Variants in DNAH2 observed in about 807,000 individuals in gnomAD.
DNAH2 encodes axonemal beta dynein heavy chain 2.
DNAH2 carries 323 observed loss-of-function variants against 523.5 expected under a neutral mutation model. That is an observed-to-expected ratio of 0.62 (90% CI 0.56 to 0.68). The LOEUF (loss-of-function observed/expected upper bound fraction) is 0.68, where lower values mean the gene tolerates loss of function less well. Ranked by LOEUF, DNAH2 falls within the 30% of genes least tolerant of loss-of-function variation. The pLI is 0.00. For synonymous variants in DNAH2, 2,093 were observed against 2,177.4 expected, an observed-to-expected ratio of 0.96 and a Z score of 1.08; for missense variants, 4,907 against 5,701.5, an observed-to-expected ratio of 0.86 and a Z score of 4.49.
At chr17:7,766,607 A>T in intron 22 of DNAH2, 126 bp downstream of exon 22, 1 of 748,020 alleles carries the variant, frequency 1.3e-6, no homozygotes, top group Non-Finnish European at 1.9e-6. Context: ...TGTTTGTTTC[A>T]GTTGAGGTAA....
In DNAH2 at chr17:7,821,216, T is replaced by C; in HGVS notation, c.11016-27T>C. 1 of 1,606,674 alleles carries C rather than the reference T, an allele frequency of 6.2e-7. No homozygotes were observed. The highest frequency in any genetic ancestry group is 8.5e-7 in the Non-Finnish European group (1 of 1,175,050). Reference sequence around the variant, plus strand: ...ATCAGCCCCCATTCCATGCTGCCCCTCCCTCTTCCCTGTCCCTTTCTCCCA... The same window carrying C: ...ATCAGCCCCCATTCCATGCTGCCCCCCCCTCTTCCCTGTCCCTTTCTCCCA... On this transcript the variant is annotated intron_variant, in intron 72 of 85. Transcript: ENST00000572933. The surrounding 1 kb of genome is among the most constrained non-coding windows in gnomAD (Gnocchi z 5.0).
rs1320280479 is a variant in DNAH2 at position 7,723,643 on chromosome 17, G to A, written c.182G>A (p.Gly61Glu). The stretch of plus-strand genomic sequence containing the variant: ...TTCTTCCTAGAGCCACGGTTGGAGG[G>A]ACCTCAAGCACAGAGTGAAGAATCA... Reference protein sequence around the residue: ...PKEEPEPRLEGPQAQSEESVE... With the variant: ...PKEEPEPRLEEPQAQSEESVE... The change falls in exon 3 of 86, where the codon GGA becomes GAA. Residue 61 changes from glycine to glutamate, a missense_variant. This residue lies in a region of DNAH2 where 2,806 missense variants were observed against 3,190.8 expected (regional missense o/e 0.88). Transcript: ENST00000572933. The A allele has an allele frequency of 5.0e-6, 8 of 1,613,986 alleles. No individual in the cohort carries two copies. In the East Asian group the frequency reaches 1.6e-4, roughly 31 times the overall value.
At position 7,788,210 on chromosome 17, in the gene DNAH2, A is replaced by G. The variant is rs778696195; in HGVS notation, c.6866A>G (p.Lys2289Arg). The change falls in exon 44 of 86, where the codon AAG (lysine) becomes AGG (arginine). Residue 2289 changes from lysine to arginine, a missense_variant. Lys to Arg is a conservative substitution (Grantham distance 26). This residue lies in a region of DNAH2 where 2,806 missense variants were observed against 3,190.8 expected (regional missense o/e 0.88). Coordinates refer to ENST00000572933, the MANE Select transcript of DNAH2 (RefSeq NM_020877.5). ...TACAGCGGTATCACCTCCCTCTGCAAGCTGTACTCTGCCCTGGCCACGCCA... is the reference window on the plus strand; with the variant it reads ...TACAGCGGTATCACCTCCCTCTGCAGGCTGTACTCTGCCCTGGCCACGCCA... The part of the protein sequence containing the change: ...PEYSGITSLC[K>R]LYSALATPEN... The G allele has an allele frequency of 1.3e-5, 21 of 1,606,132 alleles. No homozygotes were observed. The highest frequency in any genetic ancestry group is 1.8e-5 in the Non-Finnish European group (21 of 1,176,368).
At position 7,727,297 on chromosome 17, in the gene DNAH2, G is replaced by A. The variant is rs371827721; in HGVS notation, c.399+5G>A. 2.6e-5 allele frequency: 41 copies of A among 1,602,434 alleles called. No individual in the cohort carries two copies. In the African/African-American group the frequency reaches 3.8e-4, roughly 15 times the overall value. ...GAGCTGGGCATGCCTGTACAGGTGC[G>A]TACCCTACATTCCCAGATCAAAGGT... On this transcript the variant is annotated splice_donor_5th_base_variant and intron_variant, in intron 4 of 85. Coordinates refer to ENST00000572933, the MANE Select transcript of DNAH2 (RefSeq NM_020877.5).
intron 12 of DNAH2, among the ~76,000 whole-genome samples, chr17:7,746,516 A>T (rs955916126): frequency 6.6e-6 from 1 of 152,232 alleles, no homozygotes; most frequent in African/African-American, 2.4e-5. Flanking sequence ...GAATGAAGAA[A>T]AAAATACTCC....
intron 24 of DNAH2, among the ~76,000 whole-genome samples, chr17:7,768,770 A>C (rs1011687015): frequency 1.3e-5 from 2 of 152,190 alleles, no homozygotes; most frequent in African/African-American, 2.4e-5. Flanking sequence ...CAGACTTTAC[A>C]TATGACATAT....
intron 4 of DNAH2, among the ~76,000 whole-genome samples, chr17:7,728,932 G>T (rs1369121563): frequency 6.6e-6 from 1 of 151,662 alleles, no homozygotes; most frequent in Non-Finnish European, 1.5e-5. Context: ...TTGCAGTGAG[G>T]TGTGATCACT....
intron 12 of DNAH2, among the ~76,000 whole-genome samples, chr17:7,746,954 T>A (rs893640236): frequency 2.7e-5 from 4 of 145,982 alleles, no homozygotes; most frequent in Non-Finnish European, 5.9e-5. Context: ...GCCATTGCAC[T>A]CCAGCCTGGG....
At chr17:7,719,481 T>C (rs945741613) in intron 1 of DNAH2, among the ~76,000 whole-genome samples, 1 of 152,146 alleles carries the variant, frequency 6.6e-6, no homozygotes, top group Admixed American at 6.5e-5. Flanking sequence ...GGACTGACTT[T>C]GATTTTTAGC....
chr17:7,769,322 C>T (rs956170487), intron 24 of DNAH2, among the ~76,000 whole-genome samples: 1 of 152,094 alleles, frequency 6.6e-6, no homozygotes, highest in Non-Finnish European at 1.5e-5. Flanking sequence ...CCACCATGCT[C>T]TGCTAATTTT....
chr17:7,747,204 C>G (rs1375850953), intron 12 of DNAH2, among the ~76,000 whole-genome samples: 1 of 151,710 alleles, frequency 6.6e-6, no homozygotes, highest in East Asian at 1.9e-4. Flanking sequence ...TGGTCTGGAA[C>G]TTCTGGCCTC....
At position 7,797,802 on chromosome 17, in the gene DNAH2, G is replaced by A; in HGVS notation, c.8203G>A (p.Val2735Met). ...LSPSVVPMQL[V>M]LFREAIEHIT... Reference sequence around the variant, plus strand: ...ACCCTCTGTCGTGCCCATGCAGCTAGTGCTCTTCCGAGAGGCTATTGAACA... The same window carrying A: ...ACCCTCTGTCGTGCCCATGCAGCTAATGCTCTTCCGAGAGGCTATTGAACA... The change falls in exon 53 of 86, where the codon GTG becomes ATG. Residue 2735 changes from valine (V) to methionine (M), a missense_variant. Coordinates refer to ENST00000572933, the MANE Select transcript of DNAH2 (RefSeq NM_020877.5). 1 of 1,613,408 alleles carries A rather than the reference G, an allele frequency of 6.2e-7. No homozygotes were observed. Among genetic ancestry groups the A allele is most frequent in the Non-Finnish European group, 8.5e-7 (1 of 1,179,656 alleles).
At chr17:7,776,730 C>T (rs766010454) in intron 31 of DNAH2, 49 bp from the exon 32 acceptor site, 23 of 1,471,598 alleles carry the variant, frequency 1.6e-5, no homozygotes, top group South Asian at 1.3e-4. Context: ...CTGGGCTGTG[C>T]GTGTAGCCAA....
At chr17:7,741,297 C>CTTTCTCT (rs1491588292) in intron 11 of DNAH2, among the ~76,000 whole-genome samples, 2 of 61,326 alleles carry the variant, frequency 3.3e-5, no homozygotes, top group Non-Finnish European at 6.2e-5. Flanking sequence ...TTTCTTTCTT[C>CTTTCTCT]CTTCCTTCCC....
intron 11 of DNAH2, among the ~76,000 whole-genome samples, chr17:7,741,245 T>C (rs1264165951): frequency 3.3e-5 from 1 of 30,334 alleles, no homozygotes; most frequent in African/African-American, 1.8e-4. Context: ...TCTCTTTCTT[T>C]CTTTCTTTCT....
chr17:7,780,293 A>G lies in DNAH2; in HGVS notation c.5850+9A>G. 6.2e-7 allele frequency: 1 copy of G among 1,614,066 alleles called. No homozygotes were observed. Among genetic ancestry groups the G allele is most frequent in the Non-Finnish European group, 8.5e-7 (1 of 1,180,002 alleles). On this transcript the variant is annotated intron_variant, in intron 37 of 85. Transcript: ENST00000572933. The surrounding 1 kb of genome is among the most constrained non-coding windows in gnomAD (Gnocchi z 4.4). ...GCTTTGGCAACTGCAAGGTACTCCAATAACCCCTTTTCTCCAGTGATTTTA... is the reference window on the plus strand; with the variant it reads ...GCTTTGGCAACTGCAAGGTACTCCAGTAACCCCTTTTCTCCAGTGATTTTA...
chr17:7,801,457 C>G (rs1215692112), intron 56 of DNAH2, 121 bp from the exon 57 acceptor site: 5 of 1,387,844 alleles, frequency 3.6e-6, no homozygotes, highest in South Asian at 2.6e-5. Flanking sequence ...CAAGGAGATA[C>G]AGGAGCAAGG....
Position 7,832,518 on chromosome 17 carries a change from T to G in DNAH2, c.12727-61T>G. 8.3e-6 allele frequency: 13 copies of G among 1,571,206 alleles called. No individual in the cohort carries two copies. Among genetic ancestry groups the G allele is most frequent in the Non-Finnish European group, 1.0e-5 (12 of 1,154,270 alleles). On this transcript the variant is annotated intron_variant, in intron 82 of 85. Coordinates refer to ENST00000572933, the MANE Select transcript of DNAH2 (RefSeq NM_020877.5). The surrounding 1 kb of genome is among the most constrained non-coding windows in gnomAD (Gnocchi z 4.3). ...GAGCAAAACTCTGTCTCTAAATAAA[T>G]AAATAATACGGATTTGAATGCACGG...
intron 12 of DNAH2, among the ~76,000 whole-genome samples, chr17:7,753,591 G>A (rs947094023): frequency 6.6e-6 from 1 of 152,194 alleles, no homozygotes; most frequent in African/African-American, 2.4e-5. Context: ...AAAGAGGACC[G>A]TGGTCCAGAA....
Sources: gnomAD v4.1 joint callset for allele counts (sites outside exome capture counted in the v4.1 genomes callset) on GRCh38, gnomAD v4.1.1 for gene constraint, gnomAD v4.1.1 regional missense constraint, Gnocchi (gnomAD v3.1) non-coding constraint, MANE v1.5 for transcripts, NCBI Gene and HGNC (gene_info 2026-07-23, HGNC 2026-07-21) for gene names.